The following TAFA2 variants were observed in gnomAD, a reference collection of about 807,000 sequenced individuals.
The protein encoded by TAFA2 is chemokine-like protein TAFA-2.
TAFA2 carries 7 observed loss-of-function variants against 18.8 expected under a neutral mutation model. The ratio of observed to expected loss-of-function variants is 0.37; its 90% CI spans 0.21 to 0.70. The LOEUF (loss-of-function observed/expected upper bound fraction) is 0.70. TAFA2 is among the 30% of genes least tolerant of loss of function. TAFA2 has a pLI of 0.53. For synonymous variants in TAFA2, 60 were observed against 54.2 expected (o/e 1.11, Z -0.47); for missense variants, 122 against 158.1 (o/e 0.77, Z 1.23).
At chr12:62,208,733 A>T (rs2062702085) in intron 1 of TAFA2, among the ~76,000 whole-genome samples, 1 of 152,234 alleles carries the variant, frequency 6.6e-6, no homozygotes, top group Non-Finnish European at 1.5e-5. Context: ...CCCCTCTTCC[A>T]TCATAAAAAT....
chr12:61,962,391 C>A (rs1244613394), intron 1 of TAFA2, among the ~76,000 whole-genome samples: 2 of 151,880 alleles, frequency 1.3e-5, no homozygotes, highest in African/African-American at 2.4e-5. Context: ...AAATAACCAA[C>A]CTTATAATTC....
At chr12:62,253,878 TG>T (rs2062926266) in intron 1 of TAFA2, among the ~76,000 whole-genome samples, 1 of 152,224 alleles carries the variant, frequency 6.6e-6, no homozygotes, top group Non-Finnish European at 1.5e-5. Flanking sequence ...TAAGTCCACA[TG>T]GCAGTCTAAA....
intron 2 of TAFA2, among the ~76,000 whole-genome samples, chr12:61,775,355 T>C (rs374373384): frequency 6.6e-6 from 1 of 151,882 alleles, no homozygotes; most frequent in South Asian, 2.1e-4. Flanking sequence ...AACATGCACA[T>C]GGATATTTAT....
At chr12:61,948,843 C>T (rs1300967171) in intron 1 of TAFA2, among the ~76,000 whole-genome samples, 2 of 152,180 alleles carry the variant, frequency 1.3e-5, no homozygotes, top group Non-Finnish European at 2.9e-5. Flanking sequence ...CCATTACACC[C>T]ATAGTGTGAG....
intron 1 of TAFA2, among the ~76,000 whole-genome samples, chr12:62,169,505 G>A (rs1318386874): frequency 6.6e-6 from 1 of 152,056 alleles, no homozygotes; most frequent in African/African-American, 2.4e-5. Flanking sequence ...ATAATAATTC[G>A]TAAAGCCACC....
chr12:61,791,170 G>C (rs1158471184), intron 2 of TAFA2, among the ~76,000 whole-genome samples: 1 of 151,796 alleles, frequency 6.6e-6, no homozygotes, highest in Non-Finnish European at 1.5e-5. Flanking sequence ...GAATGAAACT[G>C]GACATGTATC....
At chr12:62,087,602 C>G (rs1868509284) in intron 1 of TAFA2, among the ~76,000 whole-genome samples, 1 of 152,042 alleles carries the variant, frequency 6.6e-6, no homozygotes, top group Non-Finnish European at 1.5e-5. Context: ...TAGAGTGGAT[C>G]CTGGGAATGT....
At chr12:61,895,103 G>T (rs1875784695) in intron 1 of TAFA2, among the ~76,000 whole-genome samples, 1 of 152,068 alleles carries the variant, frequency 6.6e-6, no homozygotes. Flanking sequence ...GTACTTTCAG[G>T]GTCTGGTACC....
At chr12:61,960,314 T>A (rs1365455316) in intron 1 of TAFA2, among the ~76,000 whole-genome samples, 1 of 152,022 alleles carries the variant, frequency 6.6e-6, no homozygotes, top group East Asian at 1.9e-4. Context: ...CCCACATCTA[T>A]ATTAAATGGC....
At chr12:61,784,325 T>C (rs1427584258) in intron 2 of TAFA2, among the ~76,000 whole-genome samples, 1 of 151,512 alleles carries the variant, frequency 6.6e-6, no homozygotes, top group African/African-American at 2.4e-5. Flanking sequence ...CATGGTTCAG[T>C]ATCTGGGAGC....
rs191658178 is a variant in TAFA2, at chr12:62,044,225, T to C, written c.-2+147034A>G. On this transcript the variant is annotated intron_variant, in intron 1 of 4. Coordinates refer to ENST00000416284, the MANE Select transcript of TAFA2 (RefSeq NM_178539.5). ...TCTACTCCTCATGTATTTCCTATTG[T>C]TTGAATTGCCGAAAGCTTTTTAGTT... Among the ~76,000 whole-genome samples the C allele has an allele frequency of 2.5e-3, 377 of 152,214 alleles. 1 individual carries two copies. Among genetic ancestry groups the C allele is most frequent in the Non-Finnish European group, 3.9e-3 (263 of 67,994 alleles).
chr12:61,949,109 A>C (rs1428982489), intron 1 of TAFA2, among the ~76,000 whole-genome samples: 1 of 152,110 alleles, frequency 6.6e-6, no homozygotes, highest in Admixed American at 6.6e-5. Flanking sequence ...TAACATCTGA[A>C]TCCATAGACT....
chr12:61,825,505 T>A (rs1872507060), intron 2 of TAFA2, among the ~76,000 whole-genome samples: 1 of 152,076 alleles, frequency 6.6e-6, no homozygotes, highest in South Asian at 2.1e-4. Context: ...GGCAATAAGA[T>A]CAAGAATATT....
At chr12:62,136,029 A>T (rs1870883224) in intron 1 of TAFA2, 1 of 152,146 alleles carries the variant, frequency 6.6e-6, no homozygotes, top group Non-Finnish European at 1.5e-5. Context: ...TATTTGACTC[A>T]TCACTGCTTA....
chr12:61,781,731 C>T (rs894013444), intron 2 of TAFA2, among the ~76,000 whole-genome samples: 6 of 151,466 alleles, frequency 4.0e-5, no homozygotes, highest in African/African-American at 4.8e-5. Flanking sequence ...ATGAATCTTA[C>T]AGAAAAAATA....
chr12:61,781,493 C>T (rs779287903), intron 2 of TAFA2, among the ~76,000 whole-genome samples: 2 of 151,718 alleles, frequency 1.3e-5, no homozygotes, highest in East Asian at 1.9e-4. Flanking sequence ...AGCATATCAC[C>T]GTACTTGAAA....
intron 1 of TAFA2, among the ~76,000 whole-genome samples, chr12:62,029,848 G>T (rs547413655): frequency 6.8e-6 from 1 of 147,226 alleles, no homozygotes; most frequent in Non-Finnish European, 1.5e-5. Flanking sequence ...TCTCTGTCAT[G>T]CAGACACACA....
At chr12:61,880,983 A>G (rs1281411142) in intron 1 of TAFA2, among the ~76,000 whole-genome samples, 1 of 152,176 alleles carries the variant, frequency 6.6e-6, no homozygotes, top group Non-Finnish European at 1.5e-5. Context: ...TTTCCAAAAT[A>G]AACCCTCAGC....
intron 1 of TAFA2, among the ~76,000 whole-genome samples, chr12:61,904,551 A>G (rs1247312109): frequency 1.3e-5 from 2 of 152,162 alleles, no homozygotes; most frequent in Non-Finnish European, 2.9e-5. Context: ...TTACAGCTTT[A>G]GTTTTCTCCT....
Sources: allele counts gnomAD v4.1 joint callset (sites outside exome capture counted in the v4.1 genomes callset), GRCh38; gene constraint gnomAD v4.1.1; transcripts MANE v1.5; gene names NCBI Gene and HGNC (gene_info 2026-07-23, HGNC 2026-07-21).